Variants in UST observed in about 807,000 individuals in gnomAD.
The protein encoded by UST is chondroitin sulfate 2-O-sulfotransferase.
Under a neutral mutation model 45.6 loss-of-function variants are expected in UST, and 21 were observed. That is an observed-to-expected ratio of 0.46 (90% CI 0.33 to 0.66). The LOEUF (loss-of-function observed/expected upper bound fraction) is 0.66. Ranked by LOEUF, UST falls within the 30% of genes least tolerant of loss-of-function variation. The probability of loss-of-function intolerance (pLI) is 0.02; values close to 1 mark genes in which losing one functional copy is unlikely to be tolerated. For missense variants in UST, 463 were observed against 512.4 expected (o/e 0.90, Z 0.93); for synonymous variants, 215 against 200.6 (o/e 1.07, Z -0.61).
intron 1 of UST, among the ~76,000 whole-genome samples, chr6:148,849,825 G>C (rs1171147028): frequency 2.0e-5 from 3 of 152,122 alleles, no homozygotes; most frequent in African/African-American, 7.2e-5. Context: ...GTGAGATTTG[G>C]GTGGGGACAC....
intron 1 of UST, among the ~76,000 whole-genome samples, chr6:148,840,195 G>C (rs1010898974): frequency 6.6e-6 from 1 of 152,188 alleles, no homozygotes; most frequent in Non-Finnish European, 1.5e-5. Flanking sequence ...CAACCTCTAG[G>C]ATCCTGGGAT....
At chr6:148,933,232 T>A (rs1230674660) in intron 2 of UST, among the ~76,000 whole-genome samples, 3 of 152,224 alleles carry the variant, frequency 2.0e-5, no homozygotes, top group Admixed American at 6.5e-5. Flanking sequence ...TAATAATAAA[T>A]ATGACAGCAT....
At chr6:149,042,862 C>G (rs1776334480) in intron 7 of UST, among the ~76,000 whole-genome samples, 1 of 152,136 alleles carries the variant, frequency 6.6e-6, no homozygotes, top group Non-Finnish European at 1.5e-5. Context: ...TCACGTGCTC[C>G]TCTTTCCTTG....
At chr6:149,017,557 T>TTTTATATTGTCCTACATG (rs1775921704) in intron 5 of UST, among the ~76,000 whole-genome samples, 1 of 152,110 alleles carries the variant, frequency 6.6e-6, no homozygotes, top group Admixed American at 6.5e-5. Context: ...ACATGTTGAT[T>TTTTATATTGTCCTACATG]TTTATATTGT....
At chr6:148,960,326 G>A (rs562729942) in intron 4 of UST, among the ~76,000 whole-genome samples, 6 of 152,300 alleles carry the variant, frequency 3.9e-5, no homozygotes, top group Non-Finnish European at 7.4e-5. Context: ...CTCCGCCTCA[G>A]CCACTCCTCA....
rs190195883 is a variant in UST, at chr6:148,755,430, T to C, written c.247+7753T>C. Among the ~76,000 whole-genome samples the C allele has an allele frequency of 2.1e-3, 318 of 152,334 alleles. 2 individuals carry two copies. The highest frequency in any genetic ancestry group is 7.2e-3 in the African/African-American group (300 of 41,572). ...ATAAGAAGCTCTAAAATAACTGCAGTCAATTAGATGCTGCTTGGCCTCAGT... is the reference window on the plus strand; with the variant it reads ...ATAAGAAGCTCTAAAATAACTGCAGCCAATTAGATGCTGCTTGGCCTCAGT... On this transcript the variant is annotated intron_variant, in intron 1 of 7. Coordinates refer to ENST00000367463, the MANE Select transcript of UST (RefSeq NM_005715.3).
At chr6:148,872,698 G>T (rs562500350) in intron 1 of UST, among the ~76,000 whole-genome samples, 111 of 152,294 alleles carry the variant, frequency 7.3e-4, no homozygotes, top group African/African-American at 2.6e-3. Context: ...CAGTAGGGCT[G>T]TGTTCCTTCT....
chr6:148,805,185 A>G (rs1247346048), intron 1 of UST, among the ~76,000 whole-genome samples: 5 of 152,156 alleles, frequency 3.3e-5, no homozygotes, highest in East Asian at 1.9e-4. Flanking sequence ...TTTATTTCCA[A>G]TTTCACATTT....
In UST at chr6:148,953,929, G is replaced by A. The variant is rs1368683081; in HGVS notation, c.505G>A (p.Val169Ile). ...ACAACCCTATTTATTCACTCGACAT[G>A]TTCATTTCCTCAACTTCTCAAGGTA... is the stretch of plus-strand genomic sequence containing the variant. ...AEQPYLFTRH[V>I]HFLNFSRFGG... The change falls in exon 4 of 8, where the codon GTT becomes ATT. Residue 169 changes from valine to isoleucine, a missense_variant. Physicochemically the swap from Val to Ile is conservative, Grantham distance 29. Coordinates refer to ENST00000367463, the MANE Select transcript of UST (RefSeq NM_005715.3). The A allele has an allele frequency of 9.3e-6, 15 of 1,608,684 alleles. No homozygotes were observed. In the South Asian group the frequency reaches 1.6e-4, roughly 17 times the overall value.
intron 1 of UST, among the ~76,000 whole-genome samples, chr6:148,776,394 G>A (rs1030996832): frequency 6.6e-6 from 1 of 152,172 alleles, no homozygotes; most frequent in Non-Finnish European, 1.5e-5. Context: ...GGGTGGGAGT[G>A]TGGTCAATGA....
intron 2 of UST, among the ~76,000 whole-genome samples, chr6:148,940,135 G>A (rs766353918): frequency 2.4e-4 from 36 of 152,034 alleles, no homozygotes; most frequent in Non-Finnish European, 4.4e-4. Context: ...AATGCAAATC[G>A]AAATCACAAC....
intron 7 of UST, among the ~76,000 whole-genome samples, chr6:149,024,262 C>G (rs34368036): frequency 0.32 from 48,058 of 152,116 alleles, 8,614 homozygotes; most frequent in Non-Finnish European, 0.41. Flanking sequence ...TCTTCAGGAC[C>G]CCGGGCCAGT....
rs1247581011 is a variant in UST at position 149,019,318 on chromosome 6, CTT to C, written c.779+85_779+86del. ...CACCAGCCTGGTACTCGGTGGGAAT[CTT>C]TTGTATCCCTAGTCTCTCAACCTTC... On this transcript the variant is annotated intron_variant, in intron 6 of 7. Coordinates refer to ENST00000367463, the MANE Select transcript of UST (RefSeq NM_005715.3). 7.0e-5 allele frequency: 71 copies of C among 1,013,094 alleles called. No homozygotes were observed. In the African/African-American group the frequency reaches 1.1e-3, roughly 15 times the overall value. 62.8% of individuals were successfully genotyped at this position (1,013,094 alleles called of 1,614,324 possible).
At chr6:148,965,064 T>G (rs1384310) in intron 5 of UST, among the ~76,000 whole-genome samples, 1 of 151,912 alleles carries the variant, frequency 6.6e-6, no homozygotes, top group Non-Finnish European at 1.5e-5. Flanking sequence ...ACCGACTGTT[T>G]CGGGTTTCCT....
intron 1 of UST, among the ~76,000 whole-genome samples, chr6:148,755,718 G>C (rs1362965024): frequency 2.0e-5 from 3 of 151,220 alleles, no homozygotes; most frequent in Non-Finnish European, 4.4e-5. Flanking sequence ...CCAATTATGA[G>C]CATTTTTAAT....
chr6:148,828,453 G>A (rs184241921), intron 1 of UST, among the ~76,000 whole-genome samples: 74 of 152,128 alleles, frequency 4.9e-4, no homozygotes, highest in Non-Finnish European at 4.4e-4. Context: ...TTAAATTATC[G>A]TATGCTCCTT....
At position 148,747,867 on chromosome 6, in the gene UST, C is replaced by T. The variant is rs557383082; in HGVS notation, c.247+190C>T. 2.6e-5 allele frequency among the ~76,000 whole-genome samples: 4 copies of T among 152,284 alleles called. No individual in the cohort carries two copies. The East Asian group carries it at 7.8e-4, about 30-fold the overall frequency. On this transcript the variant is annotated intron_variant, in intron 1 of 7. Coordinates refer to ENST00000367463, the MANE Select transcript of UST (RefSeq NM_005715.3). The stretch of plus-strand genomic sequence containing the variant: ...TTCTTCCTCCCGCGCGTCCGACTGT[C>T]CTCACCGAGGCGGGGGCGCCGCTGG...
Position 148,793,323 on chromosome 6 carries a change from TAAAG to T in UST, c.247+45650_247+45653del, listed in dbSNP as rs147180608. Among the ~76,000 whole-genome samples, 325 of 152,152 alleles carry T rather than the reference TAAAG, an allele frequency of 2.1e-3. 9 individuals carry two copies. The East Asian group carries it at 0.052, about 24-fold the overall frequency. ...ATAAGGGTGATGTTTGTGAAACACA[TAAAG>T]AAACGTACGCAAATCATAAGTGACA... is the stretch of plus-strand genomic sequence containing the variant. On this transcript the variant is annotated intron_variant, in intron 1 of 7. Coordinates refer to ENST00000367463, the MANE Select transcript of UST (RefSeq NM_005715.3).
At chr6:149,043,884 T>C (rs1776361857) in intron 7 of UST, among the ~76,000 whole-genome samples, 1 of 152,250 alleles carries the variant, frequency 6.6e-6, no homozygotes, top group Non-Finnish European at 1.5e-5. Context: ...ATTAGCTTAC[T>C]TTCACCAACT....
Sources: allele counts gnomAD v4.1 joint callset (sites outside exome capture counted in the v4.1 genomes callset), GRCh38; gene constraint gnomAD v4.1.1; transcripts MANE v1.5; gene names NCBI Gene and HGNC (gene_info 2026-07-23, HGNC 2026-07-21).